Variants in STPG2 observed in about 807,000 individuals in gnomAD.
The protein encoded by STPG2 is sperm tail PG-rich repeat containing 2.
A neutral mutation model predicts 54.2 loss-of-function variants in STPG2; 56 were observed. The ratio of observed to expected loss-of-function variants is 1.03; its 90% CI spans 0.83 to 1.29. STPG2 has a LOEUF of 1.29. STPG2 is among the 50% of genes most tolerant of loss of function. The probability of loss-of-function intolerance (pLI) is 0.00; values close to 1 mark genes in which losing one functional copy is unlikely to be tolerated. For synonymous variants in STPG2, 200 were observed against 181.8 expected, an observed-to-expected ratio of 1.10 and a Z score of -0.81; for missense variants, 596 against 544.9, an observed-to-expected ratio of 1.09 and a Z score of -0.93.
intron 9 of STPG2, among the ~76,000 whole-genome samples, chr4:97,743,899 A>C (rs2149039745): frequency 6.6e-6 from 1 of 151,718 alleles, no homozygotes. Flanking sequence ...CATAGGTGAA[A>C]GAAAGAGCAT....
At chr4:97,905,351 AAACTAAGCTTCATAAGTGAAGGAG>A (rs1731364462) in intron 8 of STPG2, among the ~76,000 whole-genome samples, 1 of 152,186 alleles carries the variant, frequency 6.6e-6, no homozygotes, top group African/African-American at 2.4e-5. Flanking sequence ...ATATCCAGCC[AAACTAAGCTTCATAAGTGAAGGAG>A]AAATAAAATA....
intron 9 of STPG2, among the ~76,000 whole-genome samples, chr4:97,772,997 A>C (rs1056576175): frequency 1.3e-5 from 2 of 152,156 alleles, no homozygotes; most frequent in African/African-American, 2.4e-5. Context: ...AACAATTTTA[A>C]ATTTTAAATT....
chr4:97,960,359 C>T (rs1456659487), intron 7 of STPG2, among the ~76,000 whole-genome samples: 1 of 152,012 alleles, frequency 6.6e-6, no homozygotes, highest in Non-Finnish European at 1.5e-5. Flanking sequence ...AGCAATCAGA[C>T]AACAGAAAGA....
chr4:97,454,452 G>A (rs1729459589), intron 4 of STPG2, among the ~76,000 whole-genome samples: 2 of 137,010 alleles, frequency 1.5e-5, no homozygotes, highest in African/African-American at 2.6e-5. Context: ...AGCAGAGCTT[G>A]CAGTGAGCCG....
At chr4:97,631,397 G>C (rs758700422) in intron 10 of STPG2, among the ~76,000 whole-genome samples, 10 of 151,954 alleles carry the variant, frequency 6.6e-5, no homozygotes, top group Non-Finnish European at 1.3e-4. Context: ...TAACAATTCT[G>C]AAGTTAAAAT....
intron 8 of STPG2, among the ~76,000 whole-genome samples, chr4:97,871,414 A>C (rs1162906521): frequency 2.0e-5 from 3 of 150,594 alleles, no homozygotes; most frequent in African/African-American, 7.3e-5. Context: ...TTTTTTTTTA[A>C]AAAGGGGGGG....
intron 9 of STPG2, among the ~76,000 whole-genome samples, chr4:97,781,329 A>C (rs926012774): frequency 6.6e-6 from 1 of 152,242 alleles, no homozygotes; most frequent in Non-Finnish European, 1.5e-5. Context: ...TAGAAAATCT[A>C]GAAGAAATGG....
intron 4 of STPG2, among the ~76,000 whole-genome samples, chr4:97,471,627 A>T (rs893394581): frequency 1.3e-5 from 2 of 152,152 alleles, no homozygotes; most frequent in Non-Finnish European, 2.9e-5. Flanking sequence ...AGAAGTGGGA[A>T]AAAAGATCAG....
At chr4:97,756,877 C>T (rs779615077) in intron 9 of STPG2, among the ~76,000 whole-genome samples, 16 of 151,810 alleles carry the variant, frequency 1.1e-4, no homozygotes, top group Non-Finnish European at 2.2e-4. Context: ...TTTCTATGTG[C>T]TCATCACTTT....
chr4:97,886,335 A>G (rs571898196), intron 8 of STPG2, among the ~76,000 whole-genome samples: 1 of 152,350 alleles, frequency 6.6e-6, no homozygotes, highest in East Asian at 1.9e-4. Flanking sequence ...ATGCCAGTAG[A>G]AAACAGACTA....
At chr4:97,944,821 G>C (rs560578996) in intron 7 of STPG2, among the ~76,000 whole-genome samples, 1 of 152,140 alleles carries the variant, frequency 6.6e-6, no homozygotes, top group South Asian at 2.1e-4. Context: ...TCTGTGACAT[G>C]ATCTGCCTCT....
At chr4:98,100,662 C>CT (rs1166820709) in intron 5 of STPG2, among the ~76,000 whole-genome samples, 1,889 of 116,718 alleles carry the variant, frequency 0.016, 50 homozygotes, top group East Asian at 0.058. Context: ...CTTTTTCTTT[C>CT]TTTTTTTTTT....
rs146147879 is a variant in STPG2, at chr4:97,880,414, T to C, written c.1045-39482A>G. On this transcript the variant is annotated intron_variant, in intron 8 of 10. Coordinates refer to ENST00000295268, the MANE Select transcript of STPG2 (RefSeq NM_174952.3). ...GAAAGTCGTACAGAATGAAAGAAGA[T>C]TGTCTTCACACATCACAAAAAATGG... Among the ~76,000 whole-genome samples, 657 of 152,210 alleles carry C rather than the reference T, an allele frequency of 4.3e-3. 6 individuals are homozygous for C. The highest frequency in any genetic ancestry group is 0.015 in the African/African-American group (610 of 41,524).
chr4:97,939,661 T>C (rs968182850), intron 8 of STPG2, among the ~76,000 whole-genome samples: 3 of 152,230 alleles, frequency 2.0e-5, no homozygotes, highest in Admixed American at 1.3e-4. Flanking sequence ...TGACAGATTT[T>C]CCTCCATCCC....
chr4:97,832,230 A>G (rs1728490656), intron 9 of STPG2, among the ~76,000 whole-genome samples: 1 of 152,202 alleles, frequency 6.6e-6, no homozygotes, highest in Admixed American at 6.5e-5. Context: ...CAAATCAATA[A>G]ATGTAATCCA....
At chr4:97,681,641 A>G (rs1723038159) in intron 10 of STPG2, among the ~76,000 whole-genome samples, 1 of 151,830 alleles carries the variant, frequency 6.6e-6, no homozygotes, top group Admixed American at 6.6e-5. Flanking sequence ...AAAAGACATG[A>G]CTTTTGTTTT....
chr4:97,957,323 A>G (rs1733718540), intron 7 of STPG2, among the ~76,000 whole-genome samples: 1 of 151,802 alleles, frequency 6.6e-6, no homozygotes. Flanking sequence ...CAAGCAGAAG[A>G]AGGAACTTGA....
intron 4 of STPG2, among the ~76,000 whole-genome samples, chr4:97,507,641 G>A (rs1560636948): frequency 6.6e-6 from 1 of 152,012 alleles, no homozygotes; most frequent in Non-Finnish European, 1.5e-5. Flanking sequence ...AATTGGCTAT[G>A]AATTCAGGGG....
intron 4 of STPG2, among the ~76,000 whole-genome samples, chr4:97,502,974 T>C (rs966939100): frequency 8.5e-5 from 13 of 152,050 alleles, no homozygotes; most frequent in Admixed American, 1.3e-4. Flanking sequence ...AGGATATAAA[T>C]TTGTGATATT....
Sources: gnomAD v4.1 joint callset for allele counts (sites outside exome capture counted in the v4.1 genomes callset) on GRCh38, gnomAD v4.1.1 for gene constraint, MANE v1.5 for transcripts, NCBI Gene and HGNC (gene_info 2026-07-23, HGNC 2026-07-21) for gene names.